ZCCHC17: variants seen among roughly 807,000 people sequenced by gnomAD.
ZCCHC17 encodes the protein zinc finger CCHC domain-containing protein 17.
ZCCHC17 carries 18 observed loss-of-function variants against 30.6 expected under a neutral mutation model. The observed-to-expected ratio is 0.59, with a 90% CI of 0.41 to 0.87. The LOEUF (loss-of-function observed/expected upper bound fraction) is 0.87, where lower values mean the gene tolerates loss of function less well. Ranked by LOEUF, ZCCHC17 falls within the 40% of genes least tolerant of loss-of-function variation. The pLI is 0.00. For missense variants in ZCCHC17, 263 were observed against 284.2 expected (o/e 0.93, Z 0.54); for synonymous variants, 88 against 92.4 (o/e 0.95, Z 0.27).
intron 7 of ZCCHC17, among the ~76,000 whole-genome samples, chr1:31,359,128 A>G (rs896226834): frequency 1.3e-5 from 2 of 152,122 alleles, no homozygotes; most frequent in African/African-American, 4.8e-5. Flanking sequence ...GTTACTGGTA[A>G]TTTTGTTTGT....
intron 7 of ZCCHC17, among the ~76,000 whole-genome samples, chr1:31,360,882 G>T (rs1277363284): frequency 6.6e-6 from 1 of 152,142 alleles, no homozygotes; most frequent in Non-Finnish European, 1.5e-5. Flanking sequence ...GACTATTATT[G>T]TAAGATAAGG....
intron 5 of ZCCHC17, among the ~76,000 whole-genome samples, chr1:31,339,957 TTTC>T (rs1307432097): frequency 1.3e-4 from 15 of 115,684 alleles, no homozygotes; most frequent in Non-Finnish European, 2.0e-4. Flanking sequence ...CTTTCTTGGA[TTTC>T]TTTTTTTTTT....
At position 31,353,224 on chromosome 1, in the gene ZCCHC17, TTTG is replaced by T. The variant is rs757083189; in HGVS notation, c.564+4263_564+4265del. ...GCCTATTTTGCATAAGCTTGTTTAT[TTTG>T]TTGTTGTTGTTGATATGTAGGAATT... On this transcript the variant is annotated intron_variant, in intron 7 of 7. Transcript: ENST00000344147. Among the ~76,000 whole-genome samples the T allele has an allele frequency of 1.4e-3, 208 of 152,314 alleles. 1 individual carries two copies. Among genetic ancestry groups the T allele is most frequent in the African/African-American group, 4.7e-3 (194 of 41,574 alleles).
chr1:31,328,907 C>T lies in ZCCHC17; in HGVS notation c.125-8268C>T, dbSNP rs77482816. 5.8e-3 allele frequency among the ~76,000 whole-genome samples: 878 copies of T among 152,250 alleles called. 68 individuals are homozygous for T. In the East Asian group the frequency reaches 0.14, roughly 25 times the overall value. Reference sequence around the variant, plus strand: ...TCTAAGCCAGCATGGTGGTGAGCACCTGTAGTTCCAGCTACTTGGGAGACT... The same window carrying T: ...TCTAAGCCAGCATGGTGGTGAGCACTTGTAGTTCCAGCTACTTGGGAGACT... On this transcript the variant is annotated intron_variant, in intron 3 of 7. Transcript: ENST00000344147.
intron 3 of ZCCHC17, among the ~76,000 whole-genome samples, chr1:31,320,773 T>G (rs1056036624): frequency 6.6e-6 from 1 of 152,206 alleles, no homozygotes; most frequent in Non-Finnish European, 1.5e-5. Flanking sequence ...TTTGTGTGGA[T>G]ATTTGCTTTC....
At chr1:31,350,566 A>G (rs956263544) in intron 7 of ZCCHC17, among the ~76,000 whole-genome samples, 43 of 151,622 alleles carry the variant, frequency 2.8e-4, no homozygotes, top group African/African-American at 9.7e-4. Context: ...CTTCTGTGCT[A>G]TTTACTAGCT....
At chr1:31,343,307 G>A in intron 5 of ZCCHC17, among the ~76,000 whole-genome samples, 1 of 152,174 alleles carries the variant, frequency 6.6e-6, no homozygotes, top group East Asian at 1.9e-4. Context: ...TAATCCGCCT[G>A]CCTTGGCCTC....
intron 2 of ZCCHC17, among the ~76,000 whole-genome samples, chr1:31,311,608 C>G (rs1646603482): frequency 6.6e-6 from 1 of 152,200 alleles, no homozygotes; most frequent in African/African-American, 2.4e-5. Flanking sequence ...CAAGATGGCA[C>G]CTTCCTGCTG....
chr1:31,359,983 C>CT lies in ZCCHC17; in HGVS notation c.565-4035dup, dbSNP rs10711140. ...CCCAACTTTGCTTTTGAACTACAAC[C>CT]TTTTTTTTTTTTTTGAGACGGAGTT... On this transcript the variant is annotated intron_variant, in intron 7 of 7. Transcript: ENST00000344147. 1.4e-3 allele frequency among the ~76,000 whole-genome samples: 200 copies of CT among 145,232 alleles called. 1 individual carries two copies. Among genetic ancestry groups the CT allele is most frequent in the African/African-American group, 2.0e-3 (80 of 39,568 alleles).
intron 3 of ZCCHC17, among the ~76,000 whole-genome samples, chr1:31,325,402 C>T (rs565971667): frequency 7.2e-5 from 11 of 152,356 alleles, no homozygotes; most frequent in African/African-American, 2.4e-4. Flanking sequence ...TGTGACACCT[C>T]TTTGGGGCTT....
chr1:31,300,818 C>G (rs1279141652), intron 1 of ZCCHC17, among the ~76,000 whole-genome samples: 1 of 151,922 alleles, frequency 6.6e-6, no homozygotes, highest in Non-Finnish European at 1.5e-5. Flanking sequence ...TGCCTGTAAT[C>G]CCAGCTACTC....
rs1244136406 is a variant in ZCCHC17 at position 31,310,140 on chromosome 1, T to C, written c.42T>C (p.Ala14=). 5.0e-6 allele frequency: 8 copies of C among 1,614,130 alleles called. No individual in the cohort carries two copies. The highest frequency in any genetic ancestry group is 6.8e-6 in the Non-Finnish European group (8 of 1,180,008). Residue 14 remains alanine, a synonymous_variant, in exon 2 of 8, where the codon GCT becomes GCC. Coordinates refer to ENST00000344147, the MANE Select transcript of ZCCHC17 (RefSeq NM_016505.4). ...CTGAGACCATGGAAAACTTGCCTGC[T>C]CTCTACACTATTTTCCAAGGAGAGG... The part of the protein sequence containing the change: ...GRPETMENLP[A]LYTIFQGEVA...
chr1:31,359,033 G>T (rs1041828394), intron 7 of ZCCHC17, among the ~76,000 whole-genome samples: 2 of 152,182 alleles, frequency 1.3e-5, no homozygotes, highest in African/African-American at 4.8e-5. Flanking sequence ...CCATGAATGT[G>T]TTCTAGGTAA....
intron 3 of ZCCHC17, among the ~76,000 whole-genome samples, chr1:31,326,173 T>C (rs551505700): frequency 1.3e-5 from 2 of 152,118 alleles, no homozygotes; most frequent in Non-Finnish European, 2.9e-5. Context: ...GAAGAAAGGC[T>C]GGAGGAATAT....
chr1:31,316,179 G>A (rs900620127), intron 2 of ZCCHC17, among the ~76,000 whole-genome samples: 2 of 152,178 alleles, frequency 1.3e-5, no homozygotes, highest in African/African-American at 4.8e-5. Context: ...TTGGCTCACT[G>A]CAACCATGAC....
intron 5 of ZCCHC17, among the ~76,000 whole-genome samples, chr1:31,344,351 G>T (rs976107591): frequency 2.0e-5 from 3 of 152,160 alleles, no homozygotes; most frequent in African/African-American, 7.2e-5. Context: ...TTTTTCATTT[G>T]TATGTCTCCC....
Position 31,297,085 on chromosome 1 carries a change from A to C in ZCCHC17, c.-56+10A>C. ...CTGGAGCTGACGCCTAGTACGTATG[A>C]GGAAGAACGGGGTGGGTGGCTGCCT... is the stretch of plus-strand genomic sequence containing the variant. On this transcript the variant is annotated intron_variant, in intron 1 of 7. Transcript: ENST00000344147. 2.3e-6 allele frequency: 1 copy of C among 425,652 alleles called. No individual in the cohort carries two copies. The highest frequency in any genetic ancestry group is 4.2e-6 in the Non-Finnish European group (1 of 240,172). 26.4% of individuals were successfully genotyped at this position (425,652 alleles called of 1,614,324 possible).
At chr1:31,314,662 G>A (rs1373988014) in intron 2 of ZCCHC17, among the ~76,000 whole-genome samples, 8 of 152,124 alleles carry the variant, frequency 5.3e-5, no homozygotes, top group Admixed American at 5.2e-4. Context: ...CTGGGGTTGT[G>A]CAATTGTACA....
chr1:31,328,998 T>C (rs1035708842), intron 3 of ZCCHC17, among the ~76,000 whole-genome samples: 6 of 152,270 alleles, frequency 3.9e-5, no homozygotes, highest in African/African-American at 1.4e-4. Context: ...GGCAAGATCC[T>C]GTCTCAAAAT....
Sources: allele counts gnomAD v4.1 joint callset (sites outside exome capture counted in the v4.1 genomes callset), GRCh38; gene constraint gnomAD v4.1.1; transcripts MANE v1.5; gene names NCBI Gene and HGNC (gene_info 2026-07-23, HGNC 2026-07-21).